The following RBAK variants were observed in gnomAD, a reference collection of about 807,000 sequenced individuals.
The protein encoded by RBAK is RB-associated KRAB zinc finger protein.
In RBAK, 39 loss-of-function variants were observed where a neutral mutation model predicts 65.8. That is an observed-to-expected ratio of 0.59 (90% CI 0.46 to 0.77). RBAK has a LOEUF of 0.77. RBAK is among the 30% of genes least tolerant of loss of function. The pLI is 0.00. For synonymous variants in RBAK, 343 were observed against 289.7 expected (o/e 1.18, Z -1.87); for missense variants, 884 against 855.1 (o/e 1.03, Z -0.42).
At chr7:5,054,653 C>G (rs1161418011) in intron 2 of RBAK, among the ~76,000 whole-genome samples, 1 of 151,622 alleles carries the variant, frequency 6.6e-6, no homozygotes, top group Non-Finnish European at 1.5e-5. Context: ...AGGCTGGTCT[C>G]AAACTCCTGG....
rs1220796407 is a variant in RBAK, at chr7:5,064,859, T to G, written c.1403T>G (p.Leu468Ter). ...ECNECGKTFN[L>*]NSAFIRHRKV... ...AATGAATGTGGCAAAACCTTCAATT[T>G]AAATTCAGCCTTCATTAGACATCGG... Residue 468 changes from leucine (L) to a stop codon, truncating the protein, a stop_gained, in exon 5 of 5, where the codon TTA becomes TGA. Transcript: ENST00000396912. LOFTEE classifies it high-confidence loss of function. This position sits in a 1 kb window ranked among gnomAD's most constrained non-coding sequence, Gnocchi z 6.3. 6.2e-6 allele frequency: 10 copies of G among 1,613,628 alleles called. No individual in the cohort carries two copies. Among genetic ancestry groups the G allele is most frequent in the Non-Finnish European group, 7.6e-6 (9 of 1,179,780 alleles).
In RBAK at chr7:5,061,051, A is replaced by T. The variant is rs944050540; in HGVS notation, c.239-2644A>T. Among the ~76,000 whole-genome samples, 7 of 152,272 alleles carry T rather than the reference A, an allele frequency of 4.6e-5. No individual in the cohort carries two copies. The South Asian group carries it at 1.4e-3, about 32-fold the overall frequency. On this transcript the variant is annotated intron_variant, in intron 4 of 4. Coordinates refer to ENST00000396912, the MANE Select transcript of RBAK (RefSeq NM_021163.4). ...ATTCAGAATTAAGTAAAAGAATTAT[A>T]CAGAGACATGACTGGTTTTAGGAAA...
At chr7:5,059,719 C>T (rs1779021380) in intron 4 of RBAK, among the ~76,000 whole-genome samples, 1 of 152,166 alleles carries the variant, frequency 6.6e-6, no homozygotes, top group Non-Finnish European at 1.5e-5. Context: ...GCGATTGTTA[C>T]CTCAAAAAGT....
rs73332923 is a variant in RBAK, at chr7:5,045,958, G to C, written c.-483G>C. The C allele has an allele frequency of 0.022, 7,214 of 324,552 alleles. 548 individuals carry two copies. Among genetic ancestry groups the C allele is most frequent in the African/African-American group, 0.16 (6,684 of 42,978 alleles). The allele number at this position is 324,552 out of a possible 1,614,324, so 20.1% of individuals were successfully genotyped here. A position where few individuals can be genotyped will look rare whatever the true frequency, so the allele number is the denominator to read the frequency against. On this transcript the variant is annotated 5_prime_UTR_variant, in exon 1 of 5. Coordinates refer to ENST00000396912, the MANE Select transcript of RBAK (RefSeq NM_021163.4). Reference sequence around the variant, plus strand: ...GAATCGCGGAGCCTGCGGGGCTGGAGGTTGAGCGCCCGGGCCAGCACCTAG... The same window carrying C: ...GAATCGCGGAGCCTGCGGGGCTGGACGTTGAGCGCCCGGGCCAGCACCTAG...
At chr7:5,056,480 A>G (rs1788235315) in intron 2 of RBAK, among the ~76,000 whole-genome samples, 1 of 152,036 alleles carries the variant, frequency 6.6e-6, no homozygotes, top group East Asian at 1.9e-4. Flanking sequence ...ACCTCATCAT[A>G]TTCTTCTTCC....
intron 2 of RBAK, among the ~76,000 whole-genome samples, chr7:5,053,593 G>T (rs983491149): frequency 3.3e-5 from 5 of 151,860 alleles, no homozygotes; most frequent in African/African-American, 1.2e-4. Flanking sequence ...GATTCTTGTT[G>T]CCTGTATATT....
Position 5,064,124 on chromosome 7 carries a change from A to G in RBAK, c.668A>G (p.His223Arg), listed in dbSNP as rs1779154853. ...GACAATGAGGCTGTTTTTATTGCTC[A>G]TAAGAGAGCTTACATAGGGGAGAAG... is the stretch of plus-strand genomic sequence containing the variant. The part of the protein sequence containing the change: ...ALDNEAVFIA[H>R]KRAYIGEKPY... Residue 223 changes from histidine (H) to arginine (R), a missense_variant, in exon 5 of 5, where the codon CAT becomes CGT. Physicochemically the swap from His to Arg is conservative, Grantham distance 29. Transcript: ENST00000396912. This position sits in a 1 kb window ranked among gnomAD's most constrained non-coding sequence, Gnocchi z 6.3. The G allele has an allele frequency of 1.2e-6, 2 of 1,614,010 alleles. No homozygotes were observed. The highest frequency in any genetic ancestry group is 1.7e-6 in the Non-Finnish European group (2 of 1,180,008).
intron 2 of RBAK, among the ~76,000 whole-genome samples, chr7:5,056,140 C>T (rs1437686553): frequency 7.1e-6 from 1 of 140,404 alleles, no homozygotes; most frequent in East Asian, 2.2e-4. Flanking sequence ...CAAGGTCTCA[C>T]TCTGTTGCCT....
Position 5,046,142 on chromosome 7 carries a change from G to C in RBAK, c.-299G>C, listed in dbSNP as rs1457461215. The C allele has an allele frequency of 9.1e-6, 3 of 328,710 alleles. No individual in the cohort carries two copies. The highest frequency in any genetic ancestry group is 1.2e-5 in the Non-Finnish European group (2 of 171,312). The allele number at this position is 328,710 out of a possible 1,614,324, so 20.4% of individuals were successfully genotyped here. On this transcript the variant is annotated 5_prime_UTR_variant, in exon 1 of 5. Coordinates refer to ENST00000396912, the MANE Select transcript of RBAK (RefSeq NM_021163.4). ...CGGAGGCGAAGGGGCGGCGGGACGC[G>C]GGCCTGGCCCGTGTGTGTCCTGGCG...
chr7:5,059,742 T>C (rs1313247696), intron 4 of RBAK, among the ~76,000 whole-genome samples: 1 of 152,228 alleles, frequency 6.6e-6, no homozygotes, highest in East Asian at 1.9e-4. Flanking sequence ...GATATGATTT[T>C]ACAGTCCGAT....
In RBAK at chr7:5,067,374, A is replaced by C. The variant is rs1779246240; in HGVS notation, c.*1773A>C. On this transcript the variant is annotated 3_prime_UTR_variant, in exon 5 of 5. Transcript: ENST00000396912. The stretch of plus-strand genomic sequence containing the variant: ...ATACCAGCAAAAAACATGGAAAATG[A>C]AATTTTGAAAAGCAATGCCACTTCA... 6.6e-6 allele frequency: 1 copy of C among 152,230 alleles called. No homozygotes were observed. The highest frequency in any genetic ancestry group is 2.4e-5 in the African/African-American group (1 of 41,474). The allele number at this position is 152,230 out of a possible 1,614,324, so 9.4% of individuals were successfully genotyped here.
rs1032212073 is a variant in RBAK, at chr7:5,068,745, A to C, written c.*3144A>C. On this transcript the variant is annotated 3_prime_UTR_variant, in exon 5 of 5. Transcript: ENST00000396912. ...AAAGGACATGCACTAGAATATTTATAGCCTAAAACTGCACAAAACAGAACT... is the reference window on the plus strand; with the variant it reads ...AAAGGACATGCACTAGAATATTTATCGCCTAAAACTGCACAAAACAGAACT... The C allele has an allele frequency of 6.6e-6, 1 of 152,250 alleles. No individual in the cohort carries two copies. The highest frequency in any genetic ancestry group is 2.4e-5 in the African/African-American group (1 of 41,472). 9.4% of individuals were successfully genotyped at this position (152,250 alleles called of 1,614,324 possible). A position where few individuals can be genotyped will look rare whatever the true frequency, so the allele number is the denominator to read the frequency against.
intron 2 of RBAK, among the ~76,000 whole-genome samples, chr7:5,052,741 TTTGATTGA>T (rs35675888): frequency 7.3e-5 from 11 of 150,952 alleles, no homozygotes; most frequent in African/African-American, 1.7e-4. Flanking sequence ...AACAGTTATC[TTTGATTGA>T]TTGATTGATT....
intron 4 of RBAK, among the ~76,000 whole-genome samples, 176 bp downstream of exon 4, chr7:5,057,955 T>C (rs568564034): frequency 6.6e-6 from 1 of 152,166 alleles, no homozygotes; most frequent in African/African-American, 2.4e-5. Flanking sequence ...TGATTTACAT[T>C]GGTAGGGATT....
At chr7:5,058,627 C>T (rs547961875) in intron 4 of RBAK, among the ~76,000 whole-genome samples, 20 of 152,288 alleles carry the variant, frequency 1.3e-4, no homozygotes, top group African/African-American at 3.4e-4. Context: ...GTTGATGTGA[C>T]GCTATAGCAC....
At chr7:5,046,433 C>T (rs1454353136) in intron 1 of RBAK, 37 bp downstream of exon 1, 2 of 506,206 alleles carry the variant, frequency 4.0e-6, no homozygotes, top group Non-Finnish European at 7.8e-6. Flanking sequence ...GCGAGAAGGG[C>T]CTGAGTGAAG....
intron 4 of RBAK, among the ~76,000 whole-genome samples, chr7:5,062,030 C>A (rs1186075208): frequency 4.6e-5 from 7 of 152,144 alleles, no homozygotes; most frequent in African/African-American, 1.7e-4. Flanking sequence ...ATTCAGAATG[C>A]TTATTTGCAT....
chr7:5,049,852 T>G (rs1583452436), intron 2 of RBAK, among the ~76,000 whole-genome samples: 2 of 152,104 alleles, frequency 1.3e-5, no homozygotes, highest in South Asian at 4.2e-4. Flanking sequence ...GCCTCCTGCA[T>G]AGCTACAGGC....
chr7:5,051,115 C>G (rs1381126367), intron 2 of RBAK, among the ~76,000 whole-genome samples: 1 of 152,072 alleles, frequency 6.6e-6, no homozygotes, highest in East Asian at 1.9e-4. Flanking sequence ...GTTTCTGAGT[C>G]CTTTTGAAAT....
Sources: allele counts gnomAD v4.1 joint callset (sites outside exome capture counted in the v4.1 genomes callset), GRCh38; gene constraint gnomAD v4.1.1; non-coding constraint Gnocchi (gnomAD v3.1); transcripts MANE v1.5; gene names NCBI Gene and HGNC (gene_info 2026-07-23, HGNC 2026-07-21).